VNN1: variants seen among roughly 807,000 people sequenced by gnomAD.
VNN1 encodes the protein pantetheinase.
In VNN1, 29 loss-of-function variants were observed where a neutral mutation model predicts 41.9. That is an observed-to-expected ratio of 0.69 (90% CI 0.52 to 0.94). The LOEUF (loss-of-function observed/expected upper bound fraction) is 0.94, where lower values mean the gene tolerates loss of function less well. VNN1 is among the 40% of genes least tolerant of loss of function. VNN1 has a pLI of 0.00. For missense variants in VNN1, 637 were observed against 621.1 expected (o/e 1.03, Z -0.27); for synonymous variants, 233 against 224.4 (o/e 1.04, Z -0.34).
intron 6 of VNN1, among the ~76,000 whole-genome samples, chr6:132,683,901 G>A (rs1028604133): frequency 6.6e-6 from 1 of 152,142 alleles, no homozygotes; most frequent in Admixed American, 6.6e-5. Context: ...ATCCGCCACT[G>A]TCAAATTCTC....
At chr6:132,684,918 C>A (rs1778185931) in intron 5 of VNN1, among the ~76,000 whole-genome samples, 1 of 152,204 alleles carries the variant, frequency 6.6e-6, no homozygotes, top group South Asian at 2.1e-4. Flanking sequence ...AAAAGATTAG[C>A]CCTGTAAAAG....
At chr6:132,686,059 C>T (rs1041108038) in intron 5 of VNN1, among the ~76,000 whole-genome samples, 2 of 152,128 alleles carry the variant, frequency 1.3e-5, no homozygotes, top group African/African-American at 2.4e-5. Context: ...ACAAGACTCC[C>T]AGTTAAATGT....
chr6:132,702,343 G>C (rs970469330), intron 2 of VNN1, among the ~76,000 whole-genome samples: 11 of 152,286 alleles, frequency 7.2e-5, no homozygotes, highest in Middle Eastern at 3.4e-3. Flanking sequence ...AGGTGGAACA[G>C]TTTTATCCAG....
intron 2 of VNN1, among the ~76,000 whole-genome samples, chr6:132,710,943 C>T (rs1275400342): frequency 1.3e-5 from 2 of 152,212 alleles, no homozygotes; most frequent in African/African-American, 2.4e-5. Context: ...TGAGGAATCA[C>T]CACACTGTCT....
chr6:132,699,710 A>G (rs1465280160), intron 2 of VNN1: 1 of 153,490 alleles, frequency 6.5e-6, no homozygotes, highest in East Asian at 1.9e-4. Context: ...TATACAGAAA[A>G]TTTTCCAATG....
chr6:132,689,499 C>T (rs775128921), intron 5 of VNN1, among the ~76,000 whole-genome samples: 2 of 152,130 alleles, frequency 1.3e-5, no homozygotes, highest in African/African-American at 2.4e-5. Context: ...TAATGGTCAA[C>T]GTATTGTGTT....
chr6:132,696,824 G>A (rs879778289), intron 2 of VNN1, among the ~76,000 whole-genome samples: 1 of 151,748 alleles, frequency 6.6e-6, no homozygotes, highest in Non-Finnish European at 1.5e-5. Context: ...GAGGAGAGGA[G>A]AGGGCACAGT....
At chr6:132,695,649 C>CTTAT (rs527289735) in intron 2 of VNN1, among the ~76,000 whole-genome samples, 2 of 152,090 alleles carry the variant, frequency 1.3e-5, no homozygotes, top group African/African-American at 4.8e-5. Context: ...GAACCAGTGT[C>CTTAT]TTATTTATTT....
chr6:132,683,649 C>A (rs544163243), intron 6 of VNN1, among the ~76,000 whole-genome samples: 2 of 152,310 alleles, frequency 1.3e-5, no homozygotes, highest in East Asian at 3.9e-4. Flanking sequence ...AGACTCCCCA[C>A]AATGGCCCGA....
chr6:132,700,896 C>T (rs1478819719), intron 2 of VNN1, among the ~76,000 whole-genome samples: 4 of 152,250 alleles, frequency 2.6e-5, no homozygotes, highest in Admixed American at 2.6e-4. Context: ...AAGCCTTTCT[C>T]CATAGCCCTG....
chr6:132,713,441 T>G (rs1339225646), intron 1 of VNN1, among the ~76,000 whole-genome samples: 1 of 152,202 alleles, frequency 6.6e-6, no homozygotes, highest in Non-Finnish European at 1.5e-5. Flanking sequence ...TTCGAAAACC[T>G]GCAAAGCCTT....
intron 2 of VNN1, 69 bp from the exon 3 acceptor site, chr6:132,694,251 G>T: frequency 7.1e-7 from 1 of 1,411,016 alleles, no homozygotes; most frequent in Non-Finnish European, 9.5e-7. Context: ...AATCCTGAAT[G>T]ATAGTTGCCT....
At chr6:132,703,828 A>C (rs1015612800) in intron 2 of VNN1, among the ~76,000 whole-genome samples, 7 of 152,222 alleles carry the variant, frequency 4.6e-5, no homozygotes, top group Admixed American at 4.6e-4. Context: ...CACTTCACTT[A>C]TAAAGACACA....
intron 5 of VNN1, among the ~76,000 whole-genome samples, chr6:132,691,478 C>T (rs888074079): frequency 1.3e-5 from 2 of 151,296 alleles, no homozygotes. Context: ...CCATTCATAT[C>T]CAGGATATAC....
chr6:132,711,643 A>C (rs190040064), intron 2 of VNN1, 66 bp downstream of exon 2: 1 of 1,564,028 alleles, frequency 6.4e-7, no homozygotes, highest in Non-Finnish European at 8.7e-7. Context: ...ATGATCATCA[A>C]CAAAGTTTTC....
At chr6:132,705,577 G>A (rs1778507663) in intron 2 of VNN1, among the ~76,000 whole-genome samples, 3 of 152,170 alleles carry the variant, frequency 2.0e-5, no homozygotes, top group Middle Eastern at 6.8e-3. Flanking sequence ...ACTGAATGAG[G>A]GAAAACTGAA....
chr6:132,701,679 T>G (rs1778450840), intron 2 of VNN1, among the ~76,000 whole-genome samples: 1 of 152,160 alleles, frequency 6.6e-6, no homozygotes, highest in Non-Finnish European at 1.5e-5. Flanking sequence ...GAATGAACCT[T>G]CATAAGAACC....
chr6:132,680,904 G>A lies in VNN1; in HGVS notation c.*2236C>T, dbSNP rs1231815986. Among the ~76,000 whole-genome samples, 2 of 152,220 alleles carry A rather than the reference G, an allele frequency of 1.3e-5. No homozygotes were observed. The highest frequency in any genetic ancestry group is 2.9e-5 in the Non-Finnish European group (2 of 68,014). On this transcript the variant is annotated 3_prime_UTR_variant, in exon 7 of 7. Transcript: ENST00000367928. ...TTCAATGTATAGAAAGTTTTTTAGT[G>A]TAGTGCTTTTCAGACGTAACTATTG... is the stretch of plus-strand genomic sequence containing the variant.
At chr6:132,688,480 G>GA (rs1778235947) in intron 5 of VNN1, among the ~76,000 whole-genome samples, 1 of 152,076 alleles carries the variant, frequency 6.6e-6, no homozygotes, top group African/African-American at 2.4e-5. Context: ...ACAACACTAA[G>GA]AAAGAACTTC....
Sources: gnomAD v4.1 joint callset for allele counts (sites outside exome capture counted in the v4.1 genomes callset) on GRCh38, gnomAD v4.1.1 for gene constraint, MANE v1.5 for transcripts, NCBI Gene and HGNC (gene_info 2026-07-23, HGNC 2026-07-21) for gene names.